The following RANBP2 variants were observed in gnomAD, a reference collection of about 807,000 sequenced individuals.
RANBP2 encodes E3 SUMO-protein ligase RanBP2.
RANBP2 carries 57 observed loss-of-function variants against 303.6 expected under a neutral mutation model. That is an observed-to-expected ratio of 0.19 (90% CI 0.15 to 0.23). The LOEUF (loss-of-function observed/expected upper bound fraction) is 0.23. Among genes scored for constraint, RANBP2 ranks in the 10% least tolerant of loss-of-function variants. The probability of loss-of-function intolerance (pLI) is 1.00; values close to 1 mark genes in which losing one functional copy is unlikely to be tolerated. For missense variants in RANBP2, 3,138 were observed against 3,780.8 expected, an observed-to-expected ratio of 0.83 and a Z score of 4.46; for synonymous variants, 1,167 against 1,301.5, an observed-to-expected ratio of 0.90 and a Z score of 2.23.
intron 12 of RANBP2, among the ~76,000 whole-genome samples, chr2:108,752,617 C>CAAAAAAAAAAAAAAAAAAA (rs1247816984): frequency 2.5e-5 from 1 of 40,672 alleles, no homozygotes; most frequent in Non-Finnish European, 4.5e-5. Context: ...ACTAAAAATA[C>CAAAAAAAAAAAAAAAAAAA]AAAAAAAAAA....
chr2:108,877,776 A>G, the RANBP2 span, among the ~76,000 whole-genome samples: 1 of 152,222 alleles, frequency 6.6e-6, no homozygotes, highest in Admixed American at 6.5e-5. Context: ...TACAGATTGA[A>G]AGGGCTCATC....
chr2:108,922,548 C>A, the RANBP2 span, among the ~76,000 whole-genome samples: 2 of 152,142 alleles, frequency 1.3e-5, no homozygotes, highest in Non-Finnish European at 2.9e-5. Flanking sequence ...TTCTTTCCAG[C>A]GTGATAAGAC....
chr2:109,517,193 G>C, the RANBP2 span, among the ~76,000 whole-genome samples: 2 of 149,872 alleles, frequency 1.3e-5, no homozygotes, highest in African/African-American at 5.1e-5. Context: ...CAGAGGTCCC[G>C]CCCAGCCTCT....
the RANBP2 span, among the ~76,000 whole-genome samples, chr2:108,956,293 T>C: frequency 1.3e-5 from 2 of 152,232 alleles, no homozygotes; most frequent in African/African-American, 4.8e-5. Context: ...TTTTTATACA[T>C]TCTGAAGAGT....
chr2:109,049,161 C>A, the RANBP2 span, among the ~76,000 whole-genome samples: 3 of 152,180 alleles, frequency 2.0e-5, no homozygotes, highest in Non-Finnish European at 4.4e-5. Context: ...TCTTGCTGAG[C>A]TAATTACAGG....
the RANBP2 span, among the ~76,000 whole-genome samples, chr2:108,915,914 A>T: frequency 1.3e-5 from 2 of 152,076 alleles, no homozygotes; most frequent in African/African-American, 4.8e-5. Flanking sequence ...AAAATAAAAA[A>T]TAAATAAAAA....
At chr2:109,633,878 T>TTAGG in the RANBP2 span, among the ~76,000 whole-genome samples, 32,845 of 151,542 alleles carry the variant, frequency 0.22, 3,978 homozygotes, top group Admixed American at 0.34. Context: ...TTCCAGCACT[T>TTAGG]TAGGAGGTCA....
chr2:109,370,534 C>T, the RANBP2 span, among the ~76,000 whole-genome samples: 16 of 152,168 alleles, frequency 1.1e-4, no homozygotes, highest in Non-Finnish European at 2.1e-4. Context: ...CCACCGCGCC[C>T]GGCCATCTGT....
the RANBP2 span, among the ~76,000 whole-genome samples, chr2:109,636,665 C>T: frequency 2.0e-5 from 3 of 152,102 alleles, no homozygotes; most frequent in Non-Finnish European, 2.9e-5. Context: ...TGGCTGGGTG[C>T]AGTGGCTCAC....
the RANBP2 span, among the ~76,000 whole-genome samples, chr2:109,432,196 C>G: frequency 6.6e-6 from 1 of 152,154 alleles, no homozygotes; most frequent in Non-Finnish European, 1.5e-5. Context: ...TTTGGGGTCA[C>G]TGGGCCTTAG....
the RANBP2 span, among the ~76,000 whole-genome samples, chr2:109,406,134 G>A: frequency 2.0e-5 from 3 of 152,168 alleles, no homozygotes; most frequent in East Asian, 1.9e-4. Context: ...CTTCCTCTGC[G>A]ACTGGGAGAG....
At chr2:109,708,480 A>T in the RANBP2 span, among the ~76,000 whole-genome samples, 12 of 152,092 alleles carry the variant, frequency 7.9e-5, no homozygotes, top group African/African-American at 2.9e-4. Flanking sequence ...CAACATGGCG[A>T]AACCCCATCT....
chr2:109,758,453 G>C, the RANBP2 span, among the ~76,000 whole-genome samples: 1 of 133,934 alleles, frequency 7.5e-6, no homozygotes, highest in Non-Finnish European at 1.6e-5. Context: ...GCTATTTGTG[G>C]ATCAGCTGTC....
the RANBP2 span, chr2:109,398,795 C>G: frequency 1.1e-5 from 18 of 1,613,698 alleles, no homozygotes; most frequent in African/African-American, 2.4e-4. Flanking sequence ...TCCTTCACCG[C>G]GCTCAGTGTG....
chr2:109,195,990 A>G, the RANBP2 span, among the ~76,000 whole-genome samples: 113 of 152,156 alleles, frequency 7.4e-4, no homozygotes, highest in Non-Finnish European at 1.5e-3. Context: ...ACCACCAGAA[A>G]CTCCCATTTG....
chr2:108,881,841 A>G, the RANBP2 span, among the ~76,000 whole-genome samples: 2 of 152,144 alleles, frequency 1.3e-5, no homozygotes, highest in African/African-American at 2.4e-5. Flanking sequence ...AACAATTACA[A>G]TAGTAACATC....
At chr2:109,170,031 A>C in the RANBP2 span, among the ~76,000 whole-genome samples, 1 of 152,216 alleles carries the variant, frequency 6.6e-6, no homozygotes, top group Non-Finnish European at 1.5e-5. Flanking sequence ...CATATGGCTC[A>C]TAACTGTTAT....
the RANBP2 span, among the ~76,000 whole-genome samples, chr2:109,316,384 C>T: frequency 0.31 from 47,317 of 151,894 alleles, 9,125 homozygotes; most frequent in African/African-American, 0.55. Flanking sequence ...AGCCCTGGTG[C>T]CATGTTTCTC....
At chr2:108,961,167 C>A in the RANBP2 span, among the ~76,000 whole-genome samples, 1 of 152,200 alleles carries the variant, frequency 6.6e-6, no homozygotes, top group Non-Finnish European at 1.5e-5. Context: ...TGGGCCTGGC[C>A]CTGACTGGGT....
Sources: allele counts gnomAD v4.1 joint callset (sites outside exome capture counted in the v4.1 genomes callset), GRCh38; gene constraint gnomAD v4.1.1; transcripts MANE v1.5; gene names NCBI Gene and HGNC (gene_info 2026-07-23, HGNC 2026-07-21).